Variants in MOB3B observed in about 807,000 individuals in gnomAD.
MOB3B encodes the protein MOB kinase activator 3B, also known as MOB kinase activator-like 2B.
A neutral mutation model predicts 18.7 loss-of-function variants in MOB3B; 7 were observed. The observed-to-expected ratio is 0.37, with a 90% CI of 0.21 to 0.70. The LOEUF (loss-of-function observed/expected upper bound fraction) is 0.70, where lower values mean the gene tolerates loss of function less well. Among genes scored for constraint, MOB3B ranks in the 30% least tolerant of loss-of-function variants. MOB3B has a pLI of 0.52. For synonymous variants in MOB3B, 111 were observed against 99.9 expected, an observed-to-expected ratio of 1.11 and a Z score of -0.66; for missense variants, 253 against 281.3, an observed-to-expected ratio of 0.90 and a Z score of 0.72.
chr9:27,524,270 C>T, intron 1 of MOB3B: 1 of 1,502,902 alleles, frequency 6.7e-7, no homozygotes, highest in Non-Finnish European at 9.0e-7. Flanking sequence ...TATAAAGGCA[C>T]ATGAAGGAAA....
intron 1 of MOB3B, among the ~76,000 whole-genome samples, chr9:27,495,121 G>T (rs907266362): frequency 6.6e-6 from 1 of 152,024 alleles, no homozygotes; most frequent in African/African-American, 2.4e-5. Context: ...TTGAGCCCAG[G>T]AGTTCAAGAC....
chr9:27,493,998 G>A lies in MOB3B; in HGVS notation c.-199+35557C>T, dbSNP rs939212683. ...TTTTCTCAGCATGGAACATCCCTGGGAAAAAGAATACGCACCTGGAGGTAT... is the reference window on the plus strand; with the variant it reads ...TTTTCTCAGCATGGAACATCCCTGGAAAAAAGAATACGCACCTGGAGGTAT... On this transcript the variant is annotated intron_variant, in intron 1 of 3. Transcript: ENST00000262244. Among the ~76,000 whole-genome samples, 61 of 152,250 alleles carry A rather than the reference G, an allele frequency of 4.0e-4. 1 individual carries two copies. The highest frequency in any genetic ancestry group is 1.5e-3 in the African/African-American group (61 of 41,534).
At chr9:27,349,650 A>T (rs12338149) in intron 3 of MOB3B, among the ~76,000 whole-genome samples, 7,525 of 152,286 alleles carry the variant, frequency 0.049, 618 homozygotes, top group African/African-American at 0.17. Context: ...TTAAAAAAAT[A>T]AAAAAGTACA....
rs746514030 is a variant in MOB3B at position 27,524,732 on chromosome 9, C to T, written c.-199+4823G>A. 2.6e-5 allele frequency: 42 copies of T among 1,613,582 alleles called. No homozygotes were observed. In the African/African-American group the frequency reaches 3.5e-4, roughly 13 times the overall value. On this transcript the variant is annotated intron_variant, in intron 1 of 3. Coordinates refer to ENST00000262244, the MANE Select transcript of MOB3B (RefSeq NM_024761.5). ...ACCTGAACCAATGCTTGGAGGAAGA[C>T]AAGAATGAAAATGAAGACATGAAAG...
At chr9:27,432,977 T>C (rs1345698240) in intron 2 of MOB3B, among the ~76,000 whole-genome samples, 4 of 152,182 alleles carry the variant, frequency 2.6e-5, no homozygotes, top group African/African-American at 4.8e-5. Context: ...TGTTAGAAAA[T>C]AGATTCAGGA....
chr9:27,339,417 G>T (rs1587140045), intron 3 of MOB3B, among the ~76,000 whole-genome samples: 1 of 152,158 alleles, frequency 6.6e-6, no homozygotes, highest in East Asian at 1.9e-4. Flanking sequence ...AATGAATGAA[G>T]CCGTGCCAGG....
At chr9:27,490,441 T>C (rs1587253336) in intron 1 of MOB3B, among the ~76,000 whole-genome samples, 1 of 152,146 alleles carries the variant, frequency 6.6e-6, no homozygotes, top group South Asian at 2.1e-4. Context: ...CAACTAATAG[T>C]GTTTGAGAGA....
chr9:27,405,200 G>A (rs983461853), intron 2 of MOB3B, among the ~76,000 whole-genome samples: 7 of 140,326 alleles, frequency 5.0e-5, no homozygotes, highest in Non-Finnish European at 1.1e-4. Flanking sequence ...CTCTGCCTCC[G>A]GAGTTCAAGC....
intron 1 of MOB3B, among the ~76,000 whole-genome samples, chr9:27,515,880 T>C (rs1010607060): frequency 5.3e-5 from 8 of 152,188 alleles, no homozygotes; most frequent in Admixed American, 5.2e-4. Context: ...ATACCTATAA[T>C]GTGGCCTTAT....
chr9:27,437,119 C>A (rs1039006481), intron 2 of MOB3B, among the ~76,000 whole-genome samples: 1 of 152,046 alleles, frequency 6.6e-6, no homozygotes, highest in Non-Finnish European at 1.5e-5. Context: ...CCAGGGGCCT[C>A]CTCACAAAGG....
chr9:27,356,238 T>A (rs895572099), intron 3 of MOB3B, among the ~76,000 whole-genome samples: 1 of 152,220 alleles, frequency 6.6e-6, no homozygotes, highest in Non-Finnish European at 1.5e-5. Flanking sequence ...AATTAACACA[T>A]AAATGTAGGA....
At chr9:27,433,279 C>A (rs1822444298) in intron 2 of MOB3B, among the ~76,000 whole-genome samples, 3 of 151,932 alleles carry the variant, frequency 2.0e-5, no homozygotes. Context: ...AGAAATTACT[C>A]CAGTCCCTAT....
At chr9:27,414,689 T>A (rs779478510) in intron 2 of MOB3B, among the ~76,000 whole-genome samples, 1 of 152,094 alleles carries the variant, frequency 6.6e-6, no homozygotes, top group Admixed American at 6.6e-5. Context: ...ATCAGCAACA[T>A]AAACACAAGG....
intron 1 of MOB3B, among the ~76,000 whole-genome samples, chr9:27,521,046 A>C (rs1168263400): frequency 3.3e-5 from 5 of 152,208 alleles, no homozygotes; most frequent in African/African-American, 7.2e-5. Flanking sequence ...AGCATCTATT[A>C]ACGTTTACAG....
chr9:27,422,040 C>T lies in MOB3B; in HGVS notation c.418+33093G>A, dbSNP rs564395860. 2.6e-5 allele frequency among the ~76,000 whole-genome samples: 4 copies of T among 152,302 alleles called. No individual in the cohort carries two copies. The South Asian group carries it at 6.2e-4, about 24-fold the overall frequency. On this transcript the variant is annotated intron_variant, in intron 2 of 3. Transcript: ENST00000262244. ...GCTGTGTCCTCAGTAAGTGTCAAAACAGTGCCTGGAACCCAGTAGGGGCTC... is the reference window on the plus strand; with the variant it reads ...GCTGTGTCCTCAGTAAGTGTCAAAATAGTGCCTGGAACCCAGTAGGGGCTC...
intron 2 of MOB3B, among the ~76,000 whole-genome samples, chr9:27,363,212 T>C (rs1821298760): frequency 6.6e-6 from 1 of 152,256 alleles, no homozygotes; most frequent in Non-Finnish European, 1.5e-5. Flanking sequence ...TGCAATGTCA[T>C]TTAATTCCAG....
chr9:27,352,371 C>CAAAA (rs372959856), intron 3 of MOB3B, among the ~76,000 whole-genome samples: 3 of 68,326 alleles, frequency 4.4e-5, no homozygotes, highest in Non-Finnish European at 9.8e-5. Flanking sequence ...GACCCTGTCT[C>CAAAA]AAAAAAAAAA....
Position 27,328,021 on chromosome 9 carries a change from T to A in MOB3B, c.*2566A>T. On this transcript the variant is annotated 3_prime_UTR_variant, in exon 4 of 4. Coordinates refer to ENST00000262244, the MANE Select transcript of MOB3B (RefSeq NM_024761.5). ...GTTGAAGCTCACTTGAGGCAAGGGG[T>A]TCAAGGCCAGCTTGGGTAAAATAGG... The A allele has an allele frequency of 6.6e-6, 1 of 151,182 alleles. No homozygotes were observed. 9.4% of individuals were successfully genotyped at this position (151,182 alleles called of 1,614,324 possible). A position where few individuals can be genotyped will look rare whatever the true frequency, so the allele number is the denominator to read the frequency against.
chr9:27,349,470 CG>C (rs896369883), intron 3 of MOB3B, among the ~76,000 whole-genome samples: 1 of 152,032 alleles, frequency 6.6e-6, no homozygotes, highest in Non-Finnish European at 1.5e-5. Flanking sequence ...CTTATCTGGC[CG>C]GGAAATTTAA....
Sources: gnomAD v4.1 joint callset for allele counts (sites outside exome capture counted in the v4.1 genomes callset) on GRCh38, gnomAD v4.1.1 for gene constraint, MANE v1.5 for transcripts, NCBI Gene and HGNC (gene_info 2026-07-23, HGNC 2026-07-21) for gene names.